ANKRD28: variants seen among roughly 807,000 people sequenced by gnomAD.
ANKRD28 encodes the protein ankyrin repeat domain 28.
ANKRD28 carries 44 observed loss-of-function variants against 126.5 expected under a neutral mutation model. The observed-to-expected ratio is 0.35, with a 90% CI of 0.27 to 0.45. The LOEUF (loss-of-function observed/expected upper bound fraction) is 0.45, where lower values mean the gene tolerates loss of function less well. Among genes scored for constraint, ANKRD28 ranks in the 20% least tolerant of loss-of-function variants. The pLI, the probability that ANKRD28 is intolerant of heterozygous loss-of-function variation, is 1.00. For missense variants in ANKRD28, 1,110 were observed against 1,316.6 expected (o/e 0.84, Z 2.43); for synonymous variants, 442 against 468.5 (o/e 0.94, Z 0.73).
chr3:15,846,489 G>C lies in ANKRD28; in HGVS notation c.27+12888C>G, dbSNP rs2061534252. 1.3e-5 allele frequency among the ~76,000 whole-genome samples: 2 copies of C among 152,186 alleles called. No homozygotes were observed. Among genetic ancestry groups the C allele is most frequent in the Non-Finnish European group, 2.9e-5 (2 of 68,034 alleles). On this transcript the variant is annotated intron_variant, in intron 1 of 27. Transcript: ENST00000399451. The surrounding 1 kb of genome is among the most constrained non-coding windows in gnomAD (Gnocchi z 5.4). ...TGCTTTCACAAACACAATATATACA[G>C]GGTCTGGAAGTCAACAGCTGAAAGC...
intron 8 of ANKRD28, 84 bp from the exon 9 acceptor site, chr3:15,714,740 CTTTATT>C: frequency 1.1e-6 from 1 of 880,050 alleles, no homozygotes; most frequent in Admixed American, 3.7e-5. Flanking sequence ...CCTCTTGCAT[CTTTATT>C]TTTATAACTA....
At chr3:15,807,930 G>T (rs527974234) in intron 1 of ANKRD28, among the ~76,000 whole-genome samples, 21 of 152,322 alleles carry the variant, frequency 1.4e-4, no homozygotes, top group Admixed American at 2.6e-4. Flanking sequence ...ATGGGGCAGG[G>T]ATAAACATCC....
rs766484203 is a variant in ANKRD28, at chr3:15,859,441, T to TCCG, written c.-41_-39dup. The TCCG allele has an allele frequency of 4.1e-6, 6 of 1,456,158 alleles. 1 individual carries two copies. In the South Asian group the frequency reaches 7.5e-5, roughly 18 times the overall value. The allele number at this position is 1,456,158 out of a possible 1,614,324, so 90.2% of individuals were successfully genotyped here. A position where few individuals can be genotyped will look rare whatever the true frequency, so the allele number is the denominator to read the frequency against. On this transcript the variant is annotated 5_prime_UTR_variant, in exon 1 of 28. Transcript: ENST00000399451. ...CGCGCCCACTCCAGCCTCCTCCTCC[T>TCCG]CCGCCGCTGCCGCTGCCGCCGCCGA...
At chr3:15,687,938 G>GA (rs1411659647) in intron 18 of ANKRD28, among the ~76,000 whole-genome samples, 7 of 151,668 alleles carry the variant, frequency 4.6e-5, no homozygotes, top group Non-Finnish European at 7.4e-5. Context: ...AAACCTCCAG[G>GA]AAAAAAAACC....
chr3:15,789,840 G>T (rs991131014), intron 2 of ANKRD28, among the ~76,000 whole-genome samples: 6 of 151,398 alleles, frequency 4.0e-5, no homozygotes, highest in Admixed American at 6.6e-5. Flanking sequence ...ACAAAAAGTT[G>T]ACTTAAAAAA....
rs1466879104 is a variant in ANKRD28, at chr3:15,776,505, T to C, written c.202-10193A>G. On this transcript the variant is annotated intron_variant, in intron 2 of 27. Transcript: ENST00000683139. ...AAATATACTGTATGATCCATTTGATTCAAAATATGCAAAACTAAATTATAT... is the reference window on the plus strand; with the variant it reads ...AAATATACTGTATGATCCATTTGATCCAAAATATGCAAAACTAAATTATAT... Among the ~76,000 whole-genome samples, 4 of 152,174 alleles carry C rather than the reference T, an allele frequency of 2.6e-5. No individual in the cohort carries two copies. The East Asian group carries it at 7.7e-4, about 29-fold the overall frequency.
intron 7 of ANKRD28, among the ~76,000 whole-genome samples, chr3:15,723,733 T>C (rs1309536245): frequency 6.6e-6 from 1 of 152,120 alleles, no homozygotes; most frequent in African/African-American, 2.4e-5. Flanking sequence ...ATTGTGCCAC[T>C]ATACTACAGC....
Position 15,670,164 on chromosome 3 carries a change from G to C in ANKRD28, c.*106C>G, listed in dbSNP as rs2066204529. The C allele has an allele frequency of 7.8e-7, 1 of 1,278,364 alleles. No homozygotes were observed. The highest frequency in any genetic ancestry group is 1.5e-5 in the South Asian group (1 of 65,328). The allele number at this position is 1,278,364 out of a possible 1,614,324, so 79.2% of individuals were successfully genotyped here. A position where few individuals can be genotyped will look rare whatever the true frequency, so the allele number is the denominator to read the frequency against. ...GATCTCTTAACATTGGCTCACTGTG[G>C]GATCTTTCCTCTTAGGTTGAATTTC... On this transcript the variant is annotated 3_prime_UTR_variant, in exon 28 of 28. Coordinates refer to ENST00000683139, the MANE Select transcript of ANKRD28 (RefSeq NM_001349278.2).
Position 15,854,627 on chromosome 3 carries a change from A to G in ANKRD28, c.27+4750T>C, listed in dbSNP as rs925175032. 6.6e-6 allele frequency among the ~76,000 whole-genome samples: 1 copy of G among 152,058 alleles called. No individual in the cohort carries two copies. The highest frequency in any genetic ancestry group is 2.4e-5 in the African/African-American group (1 of 41,412). On this transcript the variant is annotated intron_variant, in intron 1 of 27. Coordinates refer to the ANKRD28 transcript ENST00000399451. This position sits in a 1 kb window ranked among gnomAD's most constrained non-coding sequence, Gnocchi z 4.1. ...CTCCACATGTTTTCCTTCAGCCTCTATAAGTCTCTTCATGTGATGTATCTC... is the reference window on the plus strand; with the variant it reads ...CTCCACATGTTTTCCTTCAGCCTCTGTAAGTCTCTTCATGTGATGTATCTC...
chr3:15,724,284 TATAAA>T (rs749746424), intron 7 of ANKRD28, 93 bp downstream of exon 7: 251 of 1,037,786 alleles, frequency 2.4e-4, no homozygotes, highest in Non-Finnish European at 3.3e-4. Flanking sequence ...GAAAACATTG[TATAAA>T]ATAATTTCTT....
intron 3 of ANKRD28, 57 bp downstream of exon 3, chr3:15,766,177 C>A (rs1486469743): frequency 7.4e-7 from 1 of 1,353,816 alleles, no homozygotes; most frequent in Non-Finnish European, 1.0e-6. Context: ...GATTGAGAAA[C>A]ATTAAGAATA....
intron 24 of ANKRD28, among the ~76,000 whole-genome samples, chr3:15,677,772 T>C (rs17041442): frequency 0.1 from 15,943 of 152,238 alleles, 1,067 homozygotes; most frequent in East Asian, 0.2. Flanking sequence ...ACTCTAACAA[T>C]GGCAATTAAC....
In ANKRD28 at chr3:15,679,388, T is replaced by C. The variant is rs766696891; in HGVS notation, c.2478-4A>G. ...AGCACCTTCGTTGTCATTTATCCTG[T>C]GTAAGGTAACAAGGTGATCATTCTC... On this transcript the variant is annotated splice_polypyrimidine_tract_variant and splice_region_variant and intron_variant, in intron 22 of 27. Transcript: ENST00000683139. The C allele has an allele frequency of 6.2e-6, 10 of 1,613,918 alleles. No homozygotes were observed. The highest frequency in any genetic ancestry group is 5.1e-6 in the Non-Finnish European group (6 of 1,179,780).
chr3:15,737,445 T>C (rs912923687), intron 4 of ANKRD28, among the ~76,000 whole-genome samples: 1 of 72,930 alleles, frequency 1.4e-5, no homozygotes, highest in African/African-American at 5.2e-5. Context: ...CAGAGCCATA[T>C]AAGATGCATC....
At chr3:15,687,250 C>T (rs2455809) in intron 18 of ANKRD28, among the ~76,000 whole-genome samples, 2 of 151,982 alleles carry the variant, frequency 1.3e-5, no homozygotes, top group African/African-American at 4.8e-5. Context: ...GCCTGCCTTT[C>T]GACATTGTAT....
At chr3:15,795,913 T>A (rs9824347) in intron 1 of ANKRD28, among the ~76,000 whole-genome samples, 1 of 152,138 alleles carries the variant, frequency 6.6e-6, no homozygotes, top group Admixed American at 6.5e-5. Flanking sequence ...TGATAAGGTA[T>A]ACTATACTAG....
At chr3:15,810,697 TCTC>T (rs1272602069) in intron 1 of ANKRD28, among the ~76,000 whole-genome samples, 2 of 141,648 alleles carry the variant, frequency 1.4e-5, no homozygotes, top group South Asian at 2.2e-4. Context: ...TAATTTGTTC[TCTC>T]CTTTTTTTTT....
intron 21 of ANKRD28, among the ~76,000 whole-genome samples, chr3:15,679,868 CT>C (rs1347600697): frequency 6.6e-6 from 1 of 152,100 alleles, no homozygotes; most frequent in South Asian, 2.1e-4. Flanking sequence ...ACAGAGCAGA[CT>C]TTTTTTCTTG....
intron 1 of ANKRD28, among the ~76,000 whole-genome samples, chr3:15,835,857 C>G (rs373016575): frequency 6.6e-6 from 1 of 152,126 alleles, no homozygotes; most frequent in East Asian, 1.9e-4. Context: ...TGACACTAGA[C>G]AGTAATGAAT....
Sources: allele counts gnomAD v4.1 joint callset (sites outside exome capture counted in the v4.1 genomes callset), GRCh38; gene constraint gnomAD v4.1.1; non-coding constraint Gnocchi (gnomAD v3.1); transcripts MANE v1.5; gene names NCBI Gene and HGNC (gene_info 2026-07-23, HGNC 2026-07-21).